POLA2: variants seen among roughly 807,000 people sequenced by gnomAD.
POLA2 encodes the protein DNA polymerase alpha subunit B.
In POLA2, 47 loss-of-function variants were observed where a neutral mutation model predicts 82.8. The ratio of observed to expected loss-of-function variants is 0.57; its 90% confidence interval spans 0.45 to 0.72. The LOEUF is 0.72. Ranked by LOEUF, POLA2 falls within the 30% of genes least tolerant of loss-of-function variation. POLA2 has a pLI of 0.00. For synonymous variants in POLA2, 287 were observed against 286.8 expected (o/e 1.00, Z -0.01); for missense variants, 634 against 728.1 (o/e 0.87, Z 1.49).
chr11:65,279,651 A>C, intron 7 of POLA2, 25 bp downstream of exon 7: 2 of 1,469,222 alleles, frequency 1.4e-6, no homozygotes, highest in Non-Finnish European at 1.9e-6. Flanking sequence ...AATAGTTCTC[A>C]CTAATTAATA....
chr11:65,289,101 G>C lies in POLA2; in HGVS notation c.1170+13G>C. ...TGAACAGGTGGAGGTGAGTGGGCTG[G>C]GGTGGGAAGGGGTCCTGGGTACTTG... On this transcript the variant is annotated intron_variant, in intron 12 of 17. Transcript: ENST00000265465. The C allele has an allele frequency of 1.2e-6, 2 of 1,608,892 alleles. No individual in the cohort carries two copies. Among genetic ancestry groups the C allele is most frequent in the Non-Finnish European group, 1.7e-6 (2 of 1,176,286 alleles).
chr11:65,281,147 GGT>G lies in POLA2; in HGVS notation c.900+2_900+3del, dbSNP rs1300937735. The G allele has an allele frequency of 1.2e-6, 2 of 1,613,932 alleles. No individual in the cohort carries two copies. The highest frequency in any genetic ancestry group is 1.7e-6 in the Non-Finnish European group (2 of 1,179,856). Reference sequence around the variant, plus strand: ...AGGAATATTCTCTGTTTCCTGGACAGGTGAGATTGGAGGAGTTCCACCAGAAT... The same window carrying G: ...AGGAATATTCTCTGTTTCCTGGACAGGAGATTGGAGGAGTTCCACCAGAAT... On this transcript the variant is annotated splice_donor_variant, in intron 8 of 17. Coordinates refer to ENST00000265465, the MANE Select transcript of POLA2 (RefSeq NM_002689.4). LOFTEE classifies it high-confidence loss of function.
chr11:65,275,888 C>G lies in POLA2; in HGVS notation c.355-4C>G, dbSNP rs376053987. The G allele has an allele frequency of 1.3e-6, 2 of 1,580,814 alleles. No homozygotes were observed. Among genetic ancestry groups the G allele is most frequent in the Non-Finnish European group, 1.7e-6 (2 of 1,154,262 alleles). ...GAGATTTTGTTTTCCTTTTTTTTCC[C>G]TAGGGTTCTCAGAAGCGAGCTATCT... On this transcript the variant is annotated splice_polypyrimidine_tract_variant and splice_region_variant and intron_variant, in intron 4 of 17. Coordinates refer to ENST00000265465, the MANE Select transcript of POLA2 (RefSeq NM_002689.4).
intron 1 of POLA2, among the ~76,000 whole-genome samples, chr11:65,263,573 A>C (rs1949424757): frequency 6.6e-6 from 1 of 152,062 alleles, no homozygotes; most frequent in Admixed American, 6.5e-5. Context: ...CACGCCTGTA[A>C]TCCCAGCATT....
chr11:65,287,645 C>A, intron 10 of POLA2, 71 bp from the exon 11 acceptor site: 1 of 1,374,660 alleles, frequency 7.3e-7, no homozygotes, highest in Non-Finnish European at 1.0e-6. Context: ...CATTTCCCAT[C>A]ATTGTCCTTT....
chr11:65,294,845 T>C (rs960597161), intron 15 of POLA2, 193 bp downstream of exon 15: 2 of 466,206 alleles, frequency 4.3e-6, no homozygotes, highest in African/African-American at 2.0e-5. Context: ...TTAGTTTCTG[T>C]TACCACCTCT....
At chr11:65,305,708 C>T, downstream of POLA2, 1 of 242,888 alleles carries the variant, frequency 4.1e-6, no homozygotes, top group East Asian at 1.4e-4. Context: ...GACACCACTG[C>T]ATGTATCTTT....
chr11:65,301,475 G>A (rs538926992), downstream of POLA2, among the ~76,000 whole-genome samples: 1 of 152,064 alleles, frequency 6.6e-6, no homozygotes, highest in African/African-American at 2.4e-5. Context: ...GGGCAGGTCG[G>A]GAGGAAGAGG....
intron 17 of POLA2, among the ~76,000 whole-genome samples, chr11:65,296,863 C>T (rs944741606): frequency 4.6e-5 from 7 of 150,824 alleles, no homozygotes; most frequent in Non-Finnish European, 8.8e-5. Flanking sequence ...GCAGGAGAAT[C>T]GCTGGAACCC....
At chr11:65,303,844 CACA>C (rs1949871382) in intron 8 of POLA2, among the ~76,000 whole-genome samples, 2 of 152,164 alleles carry the variant, frequency 1.3e-5, no homozygotes, top group African/African-American at 4.8e-5. Context: ...GCAGGGACAG[CACA>C]ACACCTGCTA....
At position 65,276,454 on chromosome 11, in the gene POLA2, T is replaced by A. The variant is rs376444250; in HGVS notation, c.461+456T>A. Among the ~76,000 whole-genome samples the A allele has an allele frequency of 1.8e-4, 27 of 152,314 alleles. 1 individual carries two copies. The South Asian group carries it at 5.6e-3, about 32-fold the overall frequency. On this transcript the variant is annotated intron_variant, in intron 5 of 17. Transcript: ENST00000265465. ...ATAATGTTTCATAACCTGTTTATTG[T>A]TTCCAAGTCAGGTTAGAACTAGTTT...
chr11:65,289,948 T>C, intron 13 of POLA2, 76 bp downstream of exon 13: 1 of 979,536 alleles, frequency 1.0e-6, no homozygotes. Context: ...AAACTGAAAC[T>C]GCTTAAAAGT....
downstream of POLA2, among the ~76,000 whole-genome samples, chr11:65,300,089 C>G (rs1949851536): frequency 6.6e-6 from 1 of 152,184 alleles, no homozygotes; most frequent in Non-Finnish European, 1.5e-5. Context: ...CAAAGGAAAC[C>G]CTGCACCCAT....
intron 10 of POLA2, among the ~76,000 whole-genome samples, chr11:65,286,765 T>C (rs1949701913): frequency 6.6e-6 from 1 of 152,160 alleles, no homozygotes; most frequent in Non-Finnish European, 1.5e-5. Context: ...CACAACAGCA[T>C]GTTAAGAAGC....
chr11:65,281,049 A>T lies in POLA2; in HGVS notation c.802A>T (p.Lys268Ter). Residue 268 changes from lysine (K) to a stop codon, truncating the protein, a stop_gained, in exon 8 of 18, where the codon AAG becomes TAG. Coordinates refer to ENST00000265465, the MANE Select transcript of POLA2 (RefSeq NM_002689.4). LOFTEE classifies it high-confidence loss of function. The stretch of plus-strand genomic sequence containing the variant: ...TGATAGCAACGGGAAGCTGAACAAC[A>T]AGTCAGTGATTCTCGAGGGAGACCG... The part of the protein sequence containing the change: ...GCDSNGKLNN[K>*]SVILEGDREH... 6.2e-7 allele frequency: 1 copy of T among 1,614,112 alleles called. No homozygotes were observed. The highest frequency in any genetic ancestry group is 8.5e-7 in the Non-Finnish European group (1 of 1,180,006).
chr11:65,296,081 C>G, intron 17 of POLA2, 91 bp downstream of exon 17: 1 of 1,446,302 alleles, frequency 6.9e-7, no homozygotes, highest in Non-Finnish European at 9.7e-7. Context: ...CCTCATGGGT[C>G]AGCTGATGGG....
chr11:65,281,836 G>A, intron 9 of POLA2, 104 bp downstream of exon 9: 1 of 913,182 alleles, frequency 1.1e-6, no homozygotes, highest in Non-Finnish European at 1.8e-6. Flanking sequence ...CCATTTATTT[G>A]TTAGTCAGTT....
chr11:65,292,398 T>C (rs1310255310), intron 13 of POLA2, among the ~76,000 whole-genome samples: 1 of 152,216 alleles, frequency 6.6e-6, no homozygotes, highest in Non-Finnish European at 1.5e-5. Context: ...CCTCCTTCTA[T>C]AGGCGCTTTC....
chr11:65,294,730 G>T (rs1949791944), intron 15 of POLA2, 78 bp downstream of exon 15: 1 of 987,778 alleles, frequency 1.0e-6, no homozygotes, highest in Non-Finnish European at 1.6e-6. Context: ...AGAAAATCAA[G>T]GGGCTGCTTA....
Sources: gnomAD v4.1 joint callset for allele counts (sites outside exome capture counted in the v4.1 genomes callset) on GRCh38, gnomAD v4.1.1 for gene constraint, MANE v1.5 for transcripts, NCBI Gene and HGNC (gene_info 2026-07-23, HGNC 2026-07-21) for gene names.